Variants in ARHGAP42 observed in about 807,000 individuals in gnomAD.
The protein encoded by ARHGAP42 is rho GTPase-activating protein 42.
ARHGAP42 carries 63 observed loss-of-function variants against 125.0 expected under a neutral mutation model. That is an observed-to-expected ratio of 0.50 (90% CI 0.41 to 0.62). ARHGAP42 has a LOEUF of 0.62. ARHGAP42 is among the 20% of genes least tolerant of loss of function. The pLI is 0.00. For synonymous variants in ARHGAP42, 339 were observed against 351.0 expected, an observed-to-expected ratio of 0.97 and a Z score of 0.38; for missense variants, 766 against 1,024.2, an observed-to-expected ratio of 0.75 and a Z score of 3.44.
chr11:100,738,261 T>C (rs890934615), intron 1 of ARHGAP42, among the ~76,000 whole-genome samples: 1 of 152,204 alleles, frequency 6.6e-6, no homozygotes, highest in African/African-American at 2.4e-5. Flanking sequence ...TCATCTTTAA[T>C]ATAGTAACGT....
intron 3 of ARHGAP42, among the ~76,000 whole-genome samples, chr11:100,820,105 C>T (rs995560811): frequency 2.0e-5 from 3 of 152,014 alleles, no homozygotes; most frequent in Non-Finnish European, 2.9e-5. Flanking sequence ...CATATTATTT[C>T]GGTGGTTCCC....
At chr11:100,770,678 A>G (rs1460809907) in intron 2 of ARHGAP42, among the ~76,000 whole-genome samples, 1 of 152,110 alleles carries the variant, frequency 6.6e-6, no homozygotes, top group Non-Finnish European at 1.5e-5. Context: ...CCCGGGTTCA[A>G]GTGGTTCTCC....
intron 14 of ARHGAP42, 102 bp from the exon 15 acceptor site, chr11:100,961,582 A>G: frequency 1.1e-6 from 1 of 924,508 alleles, no homozygotes; most frequent in Non-Finnish European, 1.6e-6. Flanking sequence ...AGAAATGAAT[A>G]CCTCTCTCTT....
chr11:100,752,207 T>C (rs1862477121), intron 1 of ARHGAP42, among the ~76,000 whole-genome samples: 1 of 152,158 alleles, frequency 6.6e-6, no homozygotes, highest in African/African-American at 2.4e-5. Context: ...CAACCTGCAG[T>C]GATCCAGAAA....
chr11:100,760,995 T>C (rs1158578057), intron 1 of ARHGAP42, among the ~76,000 whole-genome samples: 2 of 152,042 alleles, frequency 1.3e-5, no homozygotes, highest in African/African-American at 4.8e-5. Context: ...AAGTGAGTGG[T>C]TGTACTGGGG....
chr11:100,738,323 A>T (rs1366579221), intron 1 of ARHGAP42: 8 of 152,202 alleles, frequency 5.3e-5, no homozygotes, highest in African/African-American at 9.6e-5. Flanking sequence ...TTGAGAGTTC[A>T]TATGTGGAAA....
chr11:100,917,791 T>C (rs1046697630), intron 5 of ARHGAP42, among the ~76,000 whole-genome samples: 5 of 152,082 alleles, frequency 3.3e-5, no homozygotes, highest in South Asian at 2.1e-4. Context: ...AGGCTGGTCT[T>C]GAACTCCTGA....
At chr11:100,771,988 C>T (rs577270389) in intron 2 of ARHGAP42, among the ~76,000 whole-genome samples, 1 of 152,302 alleles carries the variant, frequency 6.6e-6, no homozygotes, top group Admixed American at 6.5e-5. Flanking sequence ...AGTCCATGGA[C>T]CACGCTCTGA....
At chr11:100,709,219 T>C (rs544758549) in intron 1 of ARHGAP42, among the ~76,000 whole-genome samples, 9 of 152,330 alleles carry the variant, frequency 5.9e-5, no homozygotes, top group Admixed American at 5.9e-4. Context: ...TTTGTATTTT[T>C]AGTAGAGACG....
chr11:100,976,444 C>T lies in ARHGAP42; in HGVS notation c.2236+7C>T. ...TCCATCTCTGCAGCTGAAGGTAAGG[C>T]AGAGTGGAACTTGTGCAAGATGTCA... On this transcript the variant is annotated splice_region_variant and intron_variant, in intron 20 of 23. Transcript: ENST00000298815. 1 of 1,508,412 alleles carries T rather than the reference C, an allele frequency of 6.6e-7. No individual in the cohort carries two copies. The highest frequency in any genetic ancestry group is 8.8e-7 in the Non-Finnish European group (1 of 1,130,716). The allele number at this position is 1,508,412 out of a possible 1,614,324, so 93.4% of individuals were successfully genotyped here.
intron 8 of ARHGAP42, among the ~76,000 whole-genome samples, chr11:100,938,573 A>G (rs1414658699): frequency 6.6e-6 from 1 of 152,130 alleles, no homozygotes; most frequent in Non-Finnish European, 1.5e-5. Context: ...TGCCACATTC[A>G]TTCACCTGTG....
At chr11:100,910,195 T>C (rs672030) in intron 4 of ARHGAP42, among the ~76,000 whole-genome samples, 70,500 of 151,962 alleles carry the variant, frequency 0.46, 18,483 homozygotes, top group African/African-American at 0.69. Context: ...AGACAGTAGT[T>C]GCCTTCTGTC....
chr11:100,695,028 C>G (rs1304941515), intron 1 of ARHGAP42, among the ~76,000 whole-genome samples: 1 of 152,160 alleles, frequency 6.6e-6, no homozygotes, highest in African/African-American at 2.4e-5. Context: ...GAGACTGTCT[C>G]AAAAAGAAGT....
chr11:100,976,494 AT>A (rs1858395279), intron 20 of ARHGAP42, 57 bp downstream of exon 20: 7 of 1,464,562 alleles, frequency 4.8e-6, no homozygotes, highest in African/African-American at 1.4e-5. Flanking sequence ...CTTGTGCTGG[AT>A]TATTCAGCAT....
chr11:100,924,601 A>C (rs1247611130), intron 6 of ARHGAP42, among the ~76,000 whole-genome samples: 1 of 151,922 alleles, frequency 6.6e-6, no homozygotes, highest in Non-Finnish European at 1.5e-5. Context: ...TGGGAGATGG[A>C]GGTTGCAGTG....
intron 16 of ARHGAP42, among the ~76,000 whole-genome samples, chr11:100,964,473 A>G (rs1016514416): frequency 6.6e-6 from 1 of 152,166 alleles, no homozygotes; most frequent in African/African-American, 2.4e-5. Context: ...CCTCATGTTT[A>G]GCCTGAGCCA....
chr11:100,693,731 A>G (rs1234949811), intron 1 of ARHGAP42, among the ~76,000 whole-genome samples: 5 of 152,204 alleles, frequency 3.3e-5, no homozygotes, highest in Non-Finnish European at 7.3e-5. Flanking sequence ...TGCCTGTTAC[A>G]GTTATGATCA....
In ARHGAP42 at chr11:100,838,904, A is replaced by G. The variant is rs192573627; in HGVS notation, c.313-20650A>G. 2.5e-3 allele frequency among the ~76,000 whole-genome samples: 384 copies of G among 152,074 alleles called. 1 individual carries two copies. The highest frequency in any genetic ancestry group is 6.4e-3 in the African/African-American group (264 of 41,498). ...GCACTTCATTTCCCAACCTTTTTCT[A>G]TTATTTAGCCTTGCACTAACTTCCA... On this transcript the variant is annotated intron_variant, in intron 3 of 23. Coordinates refer to ENST00000298815, the MANE Select transcript of ARHGAP42 (RefSeq NM_152432.4).
intron 1 of ARHGAP42, among the ~76,000 whole-genome samples, chr11:100,766,763 A>G (rs554349860): frequency 6.6e-6 from 1 of 152,308 alleles, no homozygotes; most frequent in African/African-American, 2.4e-5. Flanking sequence ...TTACTTCGGC[A>G]TTAGGAAAAT....
Sources: gnomAD v4.1 joint callset for allele counts (sites outside exome capture counted in the v4.1 genomes callset) on GRCh38, gnomAD v4.1.1 for gene constraint, MANE v1.5 for transcripts, NCBI Gene and HGNC (gene_info 2026-07-23, HGNC 2026-07-21) for gene names.